Variants in CNTN6 observed in about 807,000 individuals in gnomAD.
CNTN6 encodes the protein contactin-6.
CNTN6 carries 137 observed loss-of-function variants against 122.8 expected under a neutral mutation model. That is an observed-to-expected ratio of 1.12 (90% confidence interval 0.97 to 1.29). CNTN6 has a LOEUF of 1.29. CNTN6 is among the 50% of genes most tolerant of loss of function. The pLI, the probability that CNTN6 is intolerant of heterozygous loss-of-function variation, is 0.00. For missense variants in CNTN6, 1,634 were observed against 1,223.4 expected, an observed-to-expected ratio of 1.34 and a Z score of -5.01; for synonymous variants, 570 against 426.0, an observed-to-expected ratio of 1.34 and a Z score of -4.16.
intron 4 of CNTN6, among the ~76,000 whole-genome samples, chr3:1,245,235 TACACACACAC>T (rs1197365732): frequency 0.031 from 209 of 6,840 alleles, 15 homozygotes; most frequent in East Asian, 0.064. Context: ...TATATATATA[TACACACACAC>T]ATATATATAT....
intron 4 of CNTN6, among the ~76,000 whole-genome samples, chr3:1,236,613 A>G (rs1335295995): frequency 1.3e-5 from 2 of 152,214 alleles, no homozygotes; most frequent in African/African-American, 2.4e-5. Context: ...TCCCTCTGAC[A>G]TAATGTACCC....
chr3:1,311,785 G>C (rs265808), intron 7 of CNTN6, among the ~76,000 whole-genome samples: 32,184 of 151,312 alleles, frequency 0.21, 4,284 homozygotes, highest in African/African-American at 0.38. Flanking sequence ...ATATTTGTTT[G>C]TAAATTTTTT....
At chr3:1,199,604 G>C (rs768342366) in intron 2 of CNTN6, among the ~76,000 whole-genome samples, 1 of 152,024 alleles carries the variant, frequency 6.6e-6, no homozygotes, top group Non-Finnish European at 1.5e-5. Context: ...GAAATATATT[G>C]CAATTAAAAA....
intron 4 of CNTN6, among the ~76,000 whole-genome samples, chr3:1,252,424 G>C (rs2125672395): frequency 6.6e-6 from 1 of 152,244 alleles, no homozygotes; most frequent in South Asian, 2.1e-4. Flanking sequence ...AATATCACCT[G>C]AGCCAGAGAC....
At chr3:1,142,462 A>C (rs953866175) in intron 1 of CNTN6, among the ~76,000 whole-genome samples, 1 of 152,162 alleles carries the variant, frequency 6.6e-6, no homozygotes, top group Non-Finnish European at 1.5e-5. Flanking sequence ...CATAGATGGT[A>C]TTCTTGTTGA....
intron 1 of CNTN6, among the ~76,000 whole-genome samples, chr3:1,130,523 A>T (rs952368729): frequency 6.6e-6 from 1 of 152,124 alleles, no homozygotes; most frequent in African/African-American, 2.4e-5. Context: ...GTTCCTGAGC[A>T]TTGTTCTGCA....
intron 12 of CNTN6, among the ~76,000 whole-genome samples, chr3:1,361,077 C>T (rs984383911): frequency 6.6e-5 from 10 of 152,048 alleles, no homozygotes; most frequent in African/African-American, 2.4e-4. Flanking sequence ...CAGAATGGCT[C>T]AACCAGGATG....
intron 1 of CNTN6, among the ~76,000 whole-genome samples, chr3:1,096,745 G>A (rs1045552493): frequency 6.6e-6 from 1 of 152,160 alleles, no homozygotes; most frequent in Non-Finnish European, 1.5e-5. Flanking sequence ...AAGAGAAAAA[G>A]AAAGTACTGA....
At chr3:1,206,254 A>G (rs781541667) in intron 2 of CNTN6, among the ~76,000 whole-genome samples, 15 of 152,212 alleles carry the variant, frequency 9.9e-5, no homozygotes, top group Non-Finnish European at 1.8e-4. Context: ...CCCTCCTATC[A>G]TCTGTCTCAG....
chr3:1,213,381 G>A (rs960455939), intron 2 of CNTN6, among the ~76,000 whole-genome samples: 3 of 151,944 alleles, frequency 2.0e-5, no homozygotes, highest in African/African-American at 7.2e-5. Context: ...ATTTTATGGA[G>A]ATCTGCAAAA....
At position 1,212,252 on chromosome 3, in the gene CNTN6, G is replaced by GTTTTT. The variant is rs74499004; in HGVS notation, c.56-8421_56-8417dup. On this transcript the variant is annotated intron_variant, in intron 2 of 22. Transcript: ENST00000446702. ...CTTGCCTTACTGCCAAATAAAACTT[G>GTTTTT]TTTTTTTTTTTTTTTTTTGAGATAA... Among the ~76,000 whole-genome samples, 87 of 118,370 alleles carry GTTTTT rather than the reference G, an allele frequency of 7.3e-4. 3 individuals carry two copies. The highest frequency in any genetic ancestry group is 1.1e-3 in the Non-Finnish European group (62 of 57,394). The allele number at this position is 118,370 out of a possible 152,430, so 77.7% of individuals were successfully genotyped here.
rs370685981 is a variant in CNTN6, at chr3:1,268,476, A to G, written c.359-9937A>G. Reference sequence around the variant, plus strand: ...TAAAAAATTAGCCAGGCGCGGTGGCAGGTGCCTGTAGTCCCAGCTACTTGG... The same window carrying G: ...TAAAAAATTAGCCAGGCGCGGTGGCGGGTGCCTGTAGTCCCAGCTACTTGG... On this transcript the variant is annotated intron_variant, in intron 4 of 22. Transcript: ENST00000446702. 1.1e-3 allele frequency among the ~76,000 whole-genome samples: 165 copies of G among 151,552 alleles called. 2 individuals carry two copies. The highest frequency in any genetic ancestry group is 0.01 in the Middle Eastern group (3 of 294).
At chr3:1,252,480 C>T (rs1046981887) in intron 4 of CNTN6, among the ~76,000 whole-genome samples, 3 of 152,132 alleles carry the variant, frequency 2.0e-5, no homozygotes, top group African/African-American at 7.2e-5. Flanking sequence ...TTTTCTTATA[C>T]AAATCATAAA....
Position 1,327,488 on chromosome 3 carries a change from T to C in CNTN6, c.1115T>C (p.Ile372Thr), listed in dbSNP as rs1398435959. 4 of 1,610,560 alleles carry C rather than the reference T, an allele frequency of 2.5e-6. No individual in the cohort carries two copies. In the South Asian group the frequency reaches 3.3e-5, roughly 13 times the overall value. The change falls in exon 10 of 23, where the codon ATC (isoleucine) becomes ACC (threonine). Residue 372 changes from isoleucine (I) to threonine (T), a missense_variant. Coordinates refer to ENST00000446702, the MANE Select transcript of CNTN6 (RefSeq NM_001289080.2). ...ATTCAAATAGAAAATGGGACACTCA[T>C]CATAACGATGCTGAATGTGTCAGAT... ...ERIQIENGTL[I>T]ITMLNVSDSG...
intron 1 of CNTN6, among the ~76,000 whole-genome samples, chr3:1,139,629 A>G (rs1337948430): frequency 1.3e-5 from 2 of 152,220 alleles, no homozygotes; most frequent in Non-Finnish European, 2.9e-5. Context: ...GTTTAATTGA[A>G]CAATGAACAA....
At chr3:1,261,034 T>C (rs1267858767) in intron 4 of CNTN6, among the ~76,000 whole-genome samples, 1 of 152,166 alleles carries the variant, frequency 6.6e-6, no homozygotes, top group Non-Finnish European at 1.5e-5. Context: ...GAGAACTCTA[T>C]GTGCGATGGG....
At chr3:1,167,304 A>T (rs1296480854) in intron 2 of CNTN6, among the ~76,000 whole-genome samples, 1 of 152,084 alleles carries the variant, frequency 6.6e-6, no homozygotes, top group Non-Finnish European at 1.5e-5. Flanking sequence ...TTTTCCTATC[A>T]GTTGCCAATT....
At chr3:1,392,085 C>T (rs1360047913) in intron 20 of CNTN6, among the ~76,000 whole-genome samples, 4 of 152,160 alleles carry the variant, frequency 2.6e-5, no homozygotes, top group Non-Finnish European at 5.9e-5. Context: ...CAAAAAAGAG[C>T]CCGCATCGCC....
intron 4 of CNTN6, among the ~76,000 whole-genome samples, chr3:1,266,528 C>G (rs1380233407): frequency 6.6e-6 from 1 of 152,156 alleles, no homozygotes. Context: ...GCATTAAGAC[C>G]TTTACCCAGG....
Sources: gnomAD v4.1 joint callset for allele counts (sites outside exome capture counted in the v4.1 genomes callset) on GRCh38, gnomAD v4.1.1 for gene constraint, MANE v1.5 for transcripts, NCBI Gene and HGNC (gene_info 2026-07-23, HGNC 2026-07-21) for gene names.